TENM4: variants seen among roughly 807,000 people sequenced by gnomAD.
TENM4 encodes teneurin-4.
Under a neutral mutation model 243.3 loss-of-function variants are expected in TENM4, and 82 were observed. The observed-to-expected ratio is 0.34, with a 90% CI of 0.28 to 0.40. TENM4 has a LOEUF of 0.40. Ranked by LOEUF, TENM4 falls within the 10% of genes least tolerant of loss-of-function variation. TENM4 has a pLI of 1.00. For missense variants in TENM4, 3,138 were observed against 3,673.3 expected (o/e 0.85, Z 3.77); for synonymous variants, 1,412 against 1,456.3 (o/e 0.97, Z 0.69).
intron 4 of TENM4, among the ~76,000 whole-genome samples, chr11:79,138,429 A>G (rs1222755890): frequency 8.6e-6 from 1 of 116,944 alleles, no homozygotes; most frequent in Non-Finnish European, 1.6e-5. Flanking sequence ...TATATTATAT[A>G]TAAATATATA....
chr11:78,674,187 G>A (rs892463811), intron 30 of TENM4, among the ~76,000 whole-genome samples: 1 of 152,212 alleles, frequency 6.6e-6, no homozygotes, highest in Non-Finnish European at 1.5e-5. Context: ...TCACTGGGGA[G>A]CCGCCTAATG....
chr11:79,307,505 C>A (rs1856646114), intron 1 of TENM4, among the ~76,000 whole-genome samples: 1 of 152,158 alleles, frequency 6.6e-6, no homozygotes. Flanking sequence ...CTCACCATCT[C>A]TGTTTCTACT....
intron 10 of TENM4, among the ~76,000 whole-genome samples, chr11:78,861,656 A>G (rs987678119): frequency 5.3e-5 from 8 of 152,222 alleles, no homozygotes; most frequent in African/African-American, 1.9e-4. Flanking sequence ...TTTGGCCCTC[A>G]GGATCCTCAT....
chr11:78,694,389 A>T (rs914766559), intron 28 of TENM4, among the ~76,000 whole-genome samples: 1 of 152,116 alleles, frequency 6.6e-6, no homozygotes, highest in Non-Finnish European at 1.5e-5. Context: ...ATCATTAGCT[A>T]CTCCAAAACT....
intron 2 of TENM4, among the ~76,000 whole-genome samples, chr11:79,281,373 G>A (rs1856153817): frequency 6.6e-6 from 1 of 152,182 alleles, no homozygotes; most frequent in African/African-American, 2.4e-5. Context: ...TCCCAACATT[G>A]ATAGTCTTAT....
At chr11:79,219,775 G>T (rs1482219256) in intron 2 of TENM4, among the ~76,000 whole-genome samples, 1 of 152,196 alleles carries the variant, frequency 6.6e-6, no homozygotes, top group Non-Finnish European at 1.5e-5. Flanking sequence ...GGTATGTGGA[G>T]CTTGATCATT....
At chr11:79,304,688 C>A (rs541426239) in intron 1 of TENM4, among the ~76,000 whole-genome samples, 11 of 152,262 alleles carry the variant, frequency 7.2e-5, no homozygotes, top group African/African-American at 2.6e-4. Flanking sequence ...AACAACCTAC[C>A]AACCTACCGT....
intron 4 of TENM4, among the ~76,000 whole-genome samples, chr11:79,139,943 C>T (rs563137575): frequency 4.1e-4 from 61 of 149,976 alleles, no homozygotes; most frequent in Admixed American, 3.4e-4. Context: ...GAAGATGGAA[C>T]CAACATTCCT....
chr11:79,293,215 G>C (rs1565286561), intron 2 of TENM4, among the ~76,000 whole-genome samples: 1 of 152,160 alleles, frequency 6.6e-6, no homozygotes, highest in Non-Finnish European at 1.5e-5. Context: ...GAATAATTAT[G>C]AAATCTTTGG....
chr11:79,320,076 C>A (rs970055262), intron 1 of TENM4, among the ~76,000 whole-genome samples: 2 of 152,142 alleles, frequency 1.3e-5, no homozygotes, highest in Admixed American at 1.3e-4. Flanking sequence ...GCATGGAGAG[C>A]CCAGAGCGCA....
In TENM4 at chr11:78,702,055, T is replaced by C. The variant is rs199624205; in HGVS notation, c.4558A>G (p.Asn1520Asp). 4.3e-4 allele frequency: 691 copies of C among 1,613,736 alleles called. No homozygotes were observed. Among genetic ancestry groups the C allele is most frequent in the Middle Eastern group, 1.5e-3 (9 of 6,062 alleles). ...PSGCDCKNDA[N>D]CDCFSGDDGY... ...TCGTCTCCAGAAAAACAATCACAGT[T>C]GGCATCATTTTTACAGTCACAGCCA... The change falls in exon 28 of 34, where the codon AAC becomes GAC. Residue 1520 changes from asparagine to aspartate, a missense_variant. By Grantham distance (23) the Asn-to-Asp change is conservative. Around this residue, in one of 2 missense-constraint regions of TENM4, gnomAD observed 2,467 missense variants for 3,059.1 expected, o/e 0.81. Coordinates refer to ENST00000278550, the MANE Select transcript of TENM4 (RefSeq NM_001098816.3).
intron 6 of TENM4, among the ~76,000 whole-genome samples, chr11:78,904,221 G>A (rs927470152): frequency 2.6e-5 from 4 of 151,812 alleles, no homozygotes; most frequent in Non-Finnish European, 4.4e-5. Context: ...TTAGCCGGGC[G>A]TGGTGGCGGG....
chr11:78,934,188 A>C (rs1329992218), intron 6 of TENM4, among the ~76,000 whole-genome samples: 1 of 152,166 alleles, frequency 6.6e-6, no homozygotes, highest in Non-Finnish European at 1.5e-5. Flanking sequence ...TGTAGTCACA[A>C]TATTGGGGCT....
intron 2 of TENM4, among the ~76,000 whole-genome samples, chr11:79,227,238 A>G (rs1864286895): frequency 6.6e-6 from 1 of 152,110 alleles, no homozygotes; most frequent in African/African-American, 2.4e-5. Flanking sequence ...GGGATCTGGA[A>G]CTATCACCTC....
intron 6 of TENM4, among the ~76,000 whole-genome samples, chr11:79,013,428 T>C (rs922745842): frequency 6.6e-6 from 1 of 152,268 alleles, no homozygotes; most frequent in African/African-American, 2.4e-5. Context: ...CCTGTTGTTA[T>C]ATTTTGAAGC....
intron 28 of TENM4, among the ~76,000 whole-genome samples, chr11:78,700,151 T>C (rs1336795775): frequency 1.3e-5 from 2 of 152,234 alleles, no homozygotes; most frequent in Admixed American, 6.5e-5. Flanking sequence ...TAGAAACTGA[T>C]GCTTGATCAA....
intron 4 of TENM4, among the ~76,000 whole-genome samples, chr11:79,106,102 G>A (rs1861358527): frequency 6.6e-6 from 1 of 152,222 alleles, no homozygotes. Flanking sequence ...ATCATATGAA[G>A]TGGAAATCAT....
At chr11:79,123,599 C>CTTTTTTTTTT (rs35553883) in intron 4 of TENM4, among the ~76,000 whole-genome samples, 12 of 143,750 alleles carry the variant, frequency 8.3e-5, no homozygotes, top group Non-Finnish European at 9.1e-5. Flanking sequence ...GCAGTAGCCC[C>CTTTTTTTTTT]TTTTTTTTTT....
intron 2 of TENM4, among the ~76,000 whole-genome samples, chr11:79,231,704 A>C (rs559654706): frequency 6.6e-6 from 1 of 152,318 alleles, no homozygotes; most frequent in Admixed American, 6.5e-5. Context: ...TCACCTGCTT[A>C]CTCATTTGAT....
Sources: allele counts gnomAD v4.1 joint callset (sites outside exome capture counted in the v4.1 genomes callset), GRCh38; gene constraint gnomAD v4.1.1; regional missense constraint gnomAD v4.1.1; transcripts MANE v1.5; gene names NCBI Gene and HGNC (gene_info 2026-07-23, HGNC 2026-07-21).